KCNQ4: variants seen among roughly 807,000 people sequenced by gnomAD.
The protein encoded by KCNQ4 is potassium voltage-gated channel subfamily Q member 4.
Under a neutral mutation model 72.6 loss-of-function variants are expected in KCNQ4, and 31 were observed. The observed-to-expected ratio is 0.43, with a 90% confidence interval of 0.32 to 0.58. The LOEUF (loss-of-function observed/expected upper bound fraction) is 0.58. KCNQ4 is among the 20% of genes least tolerant of loss of function. The pLI is 0.08. For synonymous variants in KCNQ4, 405 were observed against 403.7 expected, an observed-to-expected ratio of 1.00 and a Z score of -0.04; for missense variants, 869 against 962.6, an observed-to-expected ratio of 0.90 and a Z score of 1.29.
chr1:40,838,343 G>A lies in KCNQ4; in HGVS notation c.1908G>A (p.Leu636=), dbSNP rs1648871579. The change falls in exon 14 of 14, where the codon CTG becomes CTA. Residue 636 remains leucine (L), a synonymous_variant. Coordinates refer to ENST00000347132, the MANE Select transcript of KCNQ4 (RefSeq NM_004700.4). ...CCATCGAGCACAAGCTGGACCTGCT[G>A]TTGGGCTTCTATTCGCGCTGCCTGC... ...VQSIEHKLDL[L]LGFYSRCLRS... The A allele has an allele frequency of 6.2e-7, 1 of 1,613,912 alleles. No homozygotes were observed. Among genetic ancestry groups the A allele is most frequent in the Admixed American group, 1.7e-5 (1 of 60,028 alleles).
intron 9 of KCNQ4, among the ~76,000 whole-genome samples, chr1:40,827,193 C>T (rs1648503703): frequency 1.3e-5 from 2 of 152,136 alleles, no homozygotes; most frequent in South Asian, 2.1e-4. Context: ...TTGGTACCTG[C>T]CCTGTGCCAG....
chr1:40,819,498 C>T (rs1485102118), intron 5 of KCNQ4, 26 bp downstream of exon 5: 3 of 1,612,962 alleles, frequency 1.9e-6, no homozygotes, highest in Admixed American at 3.3e-5. Flanking sequence ...TGTAGGGCTG[C>T]CCTTCTCCCT....
chr1:40,837,571 C>T (rs1570856609), intron 12 of KCNQ4, 94 bp from the exon 13 acceptor site: 2 of 1,484,252 alleles, frequency 1.3e-6, no homozygotes, highest in East Asian at 4.6e-5. Context: ...CCTGTCCCCT[C>T]GTGGTGCCTT....
At position 40,831,187 on chromosome 1, in the gene KCNQ4, A is replaced by G. The variant is rs764200624; in HGVS notation, c.1396A>G (p.Ser466Gly). 25 of 1,610,910 alleles carry G rather than the reference A, an allele frequency of 1.6e-5. No individual in the cohort carries two copies. The highest frequency in any genetic ancestry group is 2.1e-5 in the Non-Finnish European group (25 of 1,178,690). Reference protein sequence around the residue: ...LAPPTMPTSPSSEQVGEATSP... With the variant: ...LAPPTMPTSPGSEQVGEATSP... ...ACCTCCAACAATGCCCACCTCCCCAAGCAGCGAGCAGGTGGGTGAGGCCAC... is the reference window on the plus strand; with the variant it reads ...ACCTCCAACAATGCCCACCTCCCCAGGCAGCGAGCAGGTGGGTGAGGCCAC... Residue 466 changes from serine to glycine, a missense_variant, in exon 10 of 14, where the codon AGC becomes GGC. Transcript: ENST00000347132.
rs1304409022 is a variant in KCNQ4, at chr1:40,837,688, G to T, written c.1769G>T (p.Gly590Val). The T allele has an allele frequency of 6.2e-7, 1 of 1,613,340 alleles. No individual in the cohort carries two copies. The highest frequency in any genetic ancestry group is 1.3e-5 in the African/African-American group (1 of 74,906). ...AGGGTGGACCAAATTGTGGGTCGGG[G>T]GCCCGGGGACAGGAAGGCCCGGGAG... Reference protein sequence around the residue: ...QTRVDQIVGRGPGDRKAREKG... With the variant: ...QTRVDQIVGRVPGDRKAREKG... The change falls in exon 13 of 14, where the codon GGG (glycine) becomes GTG (valine). Residue 590 changes from glycine to valine, a missense_variant. By Grantham distance (109) the Gly-to-Val change is moderately radical. This residue lies in a region of KCNQ4 where 480 missense variants were observed against 501.9 expected (regional missense o/e 0.96). Transcript: ENST00000347132.
At position 40,809,252 on chromosome 1, in the gene KCNQ4, C is replaced by T. The variant is rs778098341; in HGVS notation, c.315-8013C>T. Among the ~76,000 whole-genome samples, 4 of 152,176 alleles carry T rather than the reference C, an allele frequency of 2.6e-5. No individual in the cohort carries two copies. The South Asian group carries it at 6.2e-4, about 24-fold the overall frequency. On this transcript the variant is annotated intron_variant, in intron 1 of 13. Coordinates refer to ENST00000347132, the MANE Select transcript of KCNQ4 (RefSeq NM_004700.4). ...TCCTGCTGCACCGCTGGGGCTCCAT[C>T]GGGTCCTCCTCTAACTTTGCTACAA...
At chr1:40,831,703 C>A (rs1648653564) in intron 10 of KCNQ4, among the ~76,000 whole-genome samples, 1 of 152,170 alleles carries the variant, frequency 6.6e-6, no homozygotes, top group Non-Finnish European at 1.5e-5. Context: ...ATGAGATAAT[C>A]CATGGAAGGT....
chr1:40,824,861 T>C (rs566281668), intron 9 of KCNQ4, among the ~76,000 whole-genome samples: 3 of 152,260 alleles, frequency 2.0e-5, no homozygotes, highest in African/African-American at 7.2e-5. Context: ...GCAACTTTGC[T>C]AATCCCAGAG....
chr1:40,800,207 C>A (rs369481933), intron 1 of KCNQ4, among the ~76,000 whole-genome samples: 6 of 152,140 alleles, frequency 3.9e-5, no homozygotes, highest in East Asian at 3.9e-4. Context: ...GGCTGAGGCA[C>A]CCCCAGGAGT....
Position 40,838,604 on chromosome 1 carries a change from T to C in KCNQ4, c.*81T>C. On this transcript the variant is annotated 3_prime_UTR_variant, in exon 14 of 14. Coordinates refer to ENST00000347132, the MANE Select transcript of KCNQ4 (RefSeq NM_004700.4). ...CTGCCCTCTGAGGCCTCCGGACTCC[T>C]CTCGTACTTGAACTCACTCCCTCAC... 1 of 1,297,686 alleles carries C rather than the reference T, an allele frequency of 7.7e-7. No homozygotes were observed. Among genetic ancestry groups the C allele is most frequent in the Non-Finnish European group, 1.1e-6 (1 of 895,850 alleles). The allele number at this position is 1,297,686 out of a possible 1,614,324, so 80.4% of individuals were successfully genotyped here.
intron 9 of KCNQ4, 108 bp from the exon 10 acceptor site, chr1:40,830,976 A>C: frequency 5.6e-6 from 5 of 897,348 alleles, no homozygotes; most frequent in Non-Finnish European, 8.9e-6. Flanking sequence ...TTGGCGGGGA[A>C]TCCAGACCTA....
In KCNQ4 at chr1:40,788,748, G is replaced by C. The variant is rs1647229794; in HGVS notation, c.314+4341G>C. ...CCAGCACCCCGCACACAGTCAGCAG[G>C]GGGTGGGCAGTGATGGCATTTTGTG... On this transcript the variant is annotated intron_variant, in intron 1 of 13. Coordinates refer to ENST00000347132, the MANE Select transcript of KCNQ4 (RefSeq NM_004700.4). This position sits in a 1 kb window ranked among gnomAD's most constrained non-coding sequence, Gnocchi z 4.5. Among the ~76,000 whole-genome samples, 3 of 152,198 alleles carry C rather than the reference G, an allele frequency of 2.0e-5. No homozygotes were observed. Among genetic ancestry groups the C allele is most frequent in the Admixed American group, 6.5e-5 (1 of 15,288 alleles).
intron 12 of KCNQ4, among the ~76,000 whole-genome samples, chr1:40,837,134 C>T (rs1237481980): frequency 6.7e-6 from 1 of 150,142 alleles, no homozygotes; most frequent in African/African-American, 2.5e-5. Flanking sequence ...GTCGCCCAGG[C>T]TGGAGTGCAG....
chr1:40,797,745 C>T (rs1647458014), intron 1 of KCNQ4, among the ~76,000 whole-genome samples: 2 of 152,118 alleles, frequency 1.3e-5, no homozygotes, highest in Non-Finnish European at 2.9e-5. Flanking sequence ...AGCTATTGAC[C>T]AACCCTGCTC....
At chr1:40,831,328 C>T (rs571888320) in intron 10 of KCNQ4, 24 bp downstream of exon 10, 38 of 1,556,614 alleles carry the variant, frequency 2.4e-5, no homozygotes, top group South Asian at 1.5e-4. Context: ...GGGCTGAGTC[C>T]GATCGAGGGC....
intron 9 of KCNQ4, among the ~76,000 whole-genome samples, chr1:40,829,459 C>T (rs536981431): frequency 1.8e-3 from 278 of 152,136 alleles, no homozygotes; most frequent in Non-Finnish European, 3.4e-3. Context: ...AACCTCTCCC[C>T]TCTGGGCAGA....
At chr1:40,823,573 A>G (rs1022538422) in intron 8 of KCNQ4, among the ~76,000 whole-genome samples, 1 of 152,130 alleles carries the variant, frequency 6.6e-6, no homozygotes, top group Non-Finnish European at 1.5e-5. Flanking sequence ...GAGAGGGAAG[A>G]TACCCTCCTT....
chr1:40,840,202 C>T lies in KCNQ4; in HGVS notation c.*1679C>T, dbSNP rs911414720. On this transcript the variant is annotated 3_prime_UTR_variant, in exon 14 of 14. Transcript: ENST00000347132. ...TGCCCTCTGCATGTGACCGTCATGC[C>T]CTGGATGGAGCCACTCCTGGCTCAC... 1 of 150,212 alleles carries T rather than the reference C, an allele frequency of 6.7e-6. No homozygotes were observed. The highest frequency in any genetic ancestry group is 1.5e-5 in the Non-Finnish European group (1 of 68,264). 9.3% of individuals were successfully genotyped at this position (150,212 alleles called of 1,614,324 possible). A position where few individuals can be genotyped will look rare whatever the true frequency, so the allele number is the denominator to read the frequency against.
rs538045183 is a variant in KCNQ4, at chr1:40,817,508, G to A, written c.405+153G>A. On this transcript the variant is annotated intron_variant, in intron 2 of 13. Coordinates refer to ENST00000347132, the MANE Select transcript of KCNQ4 (RefSeq NM_004700.4). This position sits in a 1 kb window ranked among gnomAD's most constrained non-coding sequence, Gnocchi z 5.5. The stretch of plus-strand genomic sequence containing the variant: ...GTGTGAGGTAGCACCTCTGGGCTGG[G>A]AGTCCGGGACTGAGGGGGGCCGTGT... 6.6e-6 allele frequency among the ~76,000 whole-genome samples: 1 copy of A among 152,174 alleles called. No individual in the cohort carries two copies. Among genetic ancestry groups the A allele is most frequent in the South Asian group, 2.1e-4 (1 of 4,822 alleles).
Sources: allele counts gnomAD v4.1 joint callset (sites outside exome capture counted in the v4.1 genomes callset), GRCh38; gene constraint gnomAD v4.1.1; regional missense constraint gnomAD v4.1.1; non-coding constraint Gnocchi (gnomAD v3.1); transcripts MANE v1.5; gene names NCBI Gene and HGNC (gene_info 2026-07-23, HGNC 2026-07-21).